HECTD2: variants seen among roughly 807,000 people sequenced by gnomAD.
The protein encoded by HECTD2 is HECT domain E3 ubiquitin protein ligase 2.
A neutral mutation model predicts 103.2 loss-of-function variants in HECTD2; 35 were observed. That is an observed-to-expected ratio of 0.34 (90% CI 0.26 to 0.45). The LOEUF (loss-of-function observed/expected upper bound fraction) is 0.45. HECTD2 is among the 20% of genes least tolerant of loss of function. The pLI is 1.00. For synonymous variants in HECTD2, 281 were observed against 329.9 expected (o/e 0.85, Z 1.61); for missense variants, 596 against 937.4 (o/e 0.64, Z 4.76).
At chr10:91,495,980 C>T (rs1435569779) in intron 14 of HECTD2, among the ~76,000 whole-genome samples, 3 of 152,078 alleles carry the variant, frequency 2.0e-5, no homozygotes, top group Non-Finnish European at 2.9e-5. Flanking sequence ...CTAGGGAAAT[C>T]ATTGAATACT....
At position 91,425,307 on chromosome 10, in the gene HECTD2, A is replaced by G. The variant is rs1843515449; in HGVS notation, c.165A>G (p.Gln55=). ...GTTTGGACAGAGGAGCCAAAGGCCA[A>G]ATTTCCACTTTCAGCAGTTTTATTT... ...TAGLDRGAKG[Q]ISTFSSFISA... The change falls in exon 2 of 21, where the codon CAA becomes CAG. Residue 55 remains glutamine, a synonymous_variant. Coordinates refer to ENST00000298068, the MANE Select transcript of HECTD2 (RefSeq NM_182765.6). 6 of 1,546,676 alleles carry G rather than the reference A, an allele frequency of 3.9e-6. No homozygotes were observed. Among genetic ancestry groups the G allele is most frequent in the Non-Finnish European group, 5.3e-6 (6 of 1,140,456 alleles).
chr10:91,417,443 C>T (rs1054960304), intron 1 of HECTD2, among the ~76,000 whole-genome samples: 2 of 151,826 alleles, frequency 1.3e-5, no homozygotes, highest in Non-Finnish European at 2.9e-5. Context: ...CATATGTATA[C>T]ATGTGCCATG....
intron 1 of HECTD2, 93 bp from the exon 2 acceptor site, chr10:91,425,188 A>G: frequency 9.3e-7 from 1 of 1,071,484 alleles, no homozygotes; most frequent in Non-Finnish European, 1.3e-6. Context: ...TCGTCATCAA[A>G]TTAAAATCTC....
chr10:91,417,134 A>AT (rs962468361), intron 1 of HECTD2, among the ~76,000 whole-genome samples: 31 of 152,076 alleles, frequency 2.0e-4, no homozygotes, highest in African/African-American at 7.2e-4. Flanking sequence ...TGATTTCCCT[A>AT]TTTTTTCTCC....
At chr10:91,495,428 A>G (rs1846631181) in intron 14 of HECTD2, among the ~76,000 whole-genome samples, 1 of 152,046 alleles carries the variant, frequency 6.6e-6, no homozygotes, top group Non-Finnish European at 1.5e-5. Flanking sequence ...CCAATTTTTA[A>G]AAGTTATTTT....
chr10:91,472,362 A>G (rs1845758295), intron 5 of HECTD2, among the ~76,000 whole-genome samples: 1 of 152,238 alleles, frequency 6.6e-6, no homozygotes. Context: ...CCTGGAAGAT[A>G]ACCTAGGAAA....
chr10:91,466,923 G>T (rs2133223023), intron 5 of HECTD2, among the ~76,000 whole-genome samples: 1 of 152,136 alleles, frequency 6.6e-6, no homozygotes, highest in South Asian at 2.1e-4. Flanking sequence ...TAACAGTAAT[G>T]GAGATTTGGA....
intron 20 of HECTD2, among the ~76,000 whole-genome samples, chr10:91,503,537 G>A (rs998878065): frequency 1.3e-5 from 2 of 152,286 alleles, no homozygotes; most frequent in East Asian, 3.9e-4. Context: ...GGAAAATCGG[G>A]TCACTCCCAC....
At chr10:91,501,388 C>G in intron 20 of HECTD2, 54 bp downstream of exon 20, 1 of 1,108,940 alleles carries the variant, frequency 9.0e-7, no homozygotes, top group Non-Finnish European at 1.3e-6. Flanking sequence ...GCTAATACTG[C>G]TAATGATAAT....
At chr10:91,495,031 T>C (rs897576693) in intron 14 of HECTD2, among the ~76,000 whole-genome samples, 2 of 152,156 alleles carry the variant, frequency 1.3e-5, no homozygotes, top group African/African-American at 2.4e-5. Flanking sequence ...TGTTTAGATA[T>C]TCTATATTTC....
intron 5 of HECTD2, chr10:91,463,513 A>T (rs911876753): frequency 5.9e-5 from 9 of 152,186 alleles, no homozygotes; most frequent in African/African-American, 1.9e-4. Context: ...TACATCAGTA[A>T]ATTAACTTGG....
chr10:91,438,809 T>C (rs1486398478), intron 2 of HECTD2, among the ~76,000 whole-genome samples: 1 of 152,242 alleles, frequency 6.6e-6, no homozygotes, highest in Admixed American at 6.5e-5. Flanking sequence ...GGTTTTGATT[T>C]GCATTTCTCT....
Position 91,487,847 on chromosome 10 carries a change from TA to T in HECTD2, c.1191+72del. ...ATAGTAAATAATTTAATAAATAATT[TA>T]AATGTCTTGTGAATTGTTCTAGCAT... On this transcript the variant is annotated intron_variant, in intron 11 of 20. Transcript: ENST00000298068. This position sits in a 1 kb window ranked among gnomAD's most constrained non-coding sequence, Gnocchi z 4.1. 3 of 922,220 alleles carry T rather than the reference TA, an allele frequency of 3.3e-6. No individual in the cohort carries two copies. Among genetic ancestry groups the T allele is most frequent in the Non-Finnish European group, 4.9e-6 (3 of 618,226 alleles). The allele number at this position is 922,220 out of a possible 1,614,324, so 57.1% of individuals were successfully genotyped here. A position where few individuals can be genotyped will look rare whatever the true frequency, so the allele number is the denominator to read the frequency against.
intron 5 of HECTD2, among the ~76,000 whole-genome samples, chr10:91,475,046 ACTAGGTTGG>A (rs1435108280): frequency 6.6e-6 from 1 of 152,120 alleles, no homozygotes; most frequent in Non-Finnish European, 1.5e-5. Flanking sequence ...AAAGGAGAAG[ACTAGGTTGG>A]TAAGAGATGA....
At chr10:91,459,020 G>A (rs1035757981) in intron 2 of HECTD2, among the ~76,000 whole-genome samples, 1 of 151,972 alleles carries the variant, frequency 6.6e-6, no homozygotes, top group Non-Finnish European at 1.5e-5. Flanking sequence ...GGAGCTTTCA[G>A]TACTTAACAG....
At chr10:91,460,629 A>G (rs1264989483) in intron 3 of HECTD2, 64 bp downstream of exon 3, 18 of 1,454,658 alleles carry the variant, frequency 1.2e-5, no homozygotes, top group Non-Finnish European at 1.5e-5. Context: ...ACATAATTTA[A>G]TATCTTTATT....
chr10:91,459,782 AC>A (rs374023316), intron 2 of HECTD2, among the ~76,000 whole-genome samples: 213 of 152,214 alleles, frequency 1.4e-3, no homozygotes, highest in Middle Eastern at 3.4e-3. Flanking sequence ...TTTTTACTAT[AC>A]CTTTTCTGTA....
chr10:91,440,401 C>T (rs1844360580), intron 2 of HECTD2, among the ~76,000 whole-genome samples: 1 of 152,144 alleles, frequency 6.6e-6, no homozygotes, highest in Non-Finnish European at 1.5e-5. Flanking sequence ...GTATGTTCAA[C>T]TAGCCCTGCA....
At chr10:91,466,512 G>A (rs1845536780) in intron 5 of HECTD2, among the ~76,000 whole-genome samples, 1 of 152,072 alleles carries the variant, frequency 6.6e-6, no homozygotes, top group East Asian at 1.9e-4. Context: ...ATTAATTTCA[G>A]ATTTTTTTGC....
Sources: gnomAD v4.1 joint callset for allele counts (sites outside exome capture counted in the v4.1 genomes callset) on GRCh38, gnomAD v4.1.1 for gene constraint, Gnocchi (gnomAD v3.1) non-coding constraint, MANE v1.5 for transcripts, NCBI Gene and HGNC (gene_info 2026-07-23, HGNC 2026-07-21) for gene names.